The following EBF1 variants were observed in gnomAD, a reference collection of about 807,000 sequenced individuals.
EBF1 encodes the protein EBF transcription factor 1.
A neutral mutation model predicts 68.4 loss-of-function variants in EBF1; 10 were observed. The observed-to-expected ratio is 0.15, with a 90% CI of 0.09 to 0.25. The LOEUF (loss-of-function observed/expected upper bound fraction) is 0.25. Ranked by LOEUF, EBF1 falls within the 10% of genes least tolerant of loss-of-function variation. The pLI, the probability that EBF1 is intolerant of heterozygous loss-of-function variation, is 1.00. For missense variants in EBF1, 509 were observed against 794.4 expected (o/e 0.64, Z 4.32); for synonymous variants, 298 against 299.8 (o/e 0.99, Z 0.06).
intron 6 of EBF1, among the ~76,000 whole-genome samples, chr5:158,936,183 G>C (rs1356305143): frequency 6.6e-6 from 1 of 152,102 alleles, no homozygotes; most frequent in African/African-American, 2.4e-5. Flanking sequence ...AGGTGACATG[G>C]GATAACACAT....
At chr5:158,766,915 T>C (rs1402954141) in intron 10 of EBF1, among the ~76,000 whole-genome samples, 1 of 152,184 alleles carries the variant, frequency 6.6e-6, no homozygotes, top group Non-Finnish European at 1.5e-5. Flanking sequence ...TTATTGGCTT[T>C]GAAAAGCAAA....
chr5:158,929,558 A>G (rs1425680089), intron 6 of EBF1, among the ~76,000 whole-genome samples: 26 of 152,184 alleles, frequency 1.7e-4, no homozygotes, highest in Admixed American at 1.5e-3. Context: ...ACAGCACAAG[A>G]CCCTTCATAA....
intron 6 of EBF1, among the ~76,000 whole-genome samples, chr5:158,845,917 A>T (rs928419588): frequency 6.6e-6 from 1 of 152,186 alleles, no homozygotes; most frequent in Non-Finnish European, 1.5e-5. Flanking sequence ...CATTGCAATC[A>T]ATCTGGGCTG....
At chr5:159,087,244 G>T (rs977374696) in intron 4 of EBF1, among the ~76,000 whole-genome samples, 6 of 147,778 alleles carry the variant, frequency 4.1e-5, no homozygotes, top group Non-Finnish European at 7.4e-5. Flanking sequence ...TACTGATGGG[G>T]CTTTCCCTAA....
At chr5:158,842,238 G>A (rs1790475310) in intron 6 of EBF1, among the ~76,000 whole-genome samples, 1 of 152,240 alleles carries the variant, frequency 6.6e-6, no homozygotes, top group South Asian at 2.1e-4. Context: ...CAGAAGGCAA[G>A]TGCTGGGTAG....
chr5:158,930,660 A>T lies in EBF1; in HGVS notation c.555-90550T>A, dbSNP rs138581697. ...TTAGGAATTTATTTATCACACTGTGAATTTCCACACTGCCTTCTTCATAAG... is the reference window on the plus strand; with the variant it reads ...TTAGGAATTTATTTATCACACTGTGTATTTCCACACTGCCTTCTTCATAAG... On this transcript the variant is annotated intron_variant, in intron 6 of 15. Coordinates refer to ENST00000313708, the MANE Select transcript of EBF1 (RefSeq NM_024007.5). Among the ~76,000 whole-genome samples, 558 of 152,326 alleles carry T rather than the reference A, an allele frequency of 3.7e-3. 4 individuals carry two copies. The highest frequency in any genetic ancestry group is 0.013 in the African/African-American group (520 of 41,582).
At chr5:158,711,977 G>A (rs1471578270) in intron 14 of EBF1, among the ~76,000 whole-genome samples, 177 bp downstream of exon 14, 2 of 152,226 alleles carry the variant, frequency 1.3e-5, no homozygotes, top group Admixed American at 1.3e-4. Flanking sequence ...GCACTGGAGA[G>A]CGGAGATTCC....
chr5:158,926,073 A>G (rs917713736), intron 6 of EBF1, among the ~76,000 whole-genome samples: 2 of 152,214 alleles, frequency 1.3e-5, no homozygotes, highest in African/African-American at 4.8e-5. Context: ...CCTGCTTAAT[A>G]CATTTTATTT....
intron 6 of EBF1, among the ~76,000 whole-genome samples, chr5:158,880,427 G>C (rs1332788472): frequency 2.0e-5 from 3 of 152,224 alleles, no homozygotes; most frequent in African/African-American, 7.2e-5. Context: ...TCTCAATCTG[G>C]CCATAAAGAT....
intron 6 of EBF1, among the ~76,000 whole-genome samples, chr5:158,863,650 AT>A (rs1233372962): frequency 6.6e-6 from 1 of 152,250 alleles, no homozygotes; most frequent in Non-Finnish European, 1.5e-5. Flanking sequence ...ATAAAAAAAA[AT>A]ATGCTGGAAT....
chr5:158,699,706 A>C (rs1756328219), intron 15 of EBF1, among the ~76,000 whole-genome samples: 1 of 152,242 alleles, frequency 6.6e-6, no homozygotes, highest in Non-Finnish European at 1.5e-5. Flanking sequence ...CACTGGGAAC[A>C]TAAAGTTGGG....
At chr5:158,950,190 A>C (rs1815668950) in intron 6 of EBF1, among the ~76,000 whole-genome samples, 1 of 151,992 alleles carries the variant, frequency 6.6e-6, no homozygotes, top group Non-Finnish European at 1.5e-5. Context: ...TTCTCTTGGC[A>C]CTCCTGCCTA....
At chr5:158,779,632 C>G (rs1457755141) in intron 9 of EBF1, among the ~76,000 whole-genome samples, 1 of 152,128 alleles carries the variant, frequency 6.6e-6, no homozygotes, top group Non-Finnish European at 1.5e-5. Flanking sequence ...CTGATAAGAA[C>G]TTTCAGCCAG....
intron 6 of EBF1, among the ~76,000 whole-genome samples, chr5:158,977,686 A>G (rs1487840243): frequency 1.3e-5 from 2 of 152,192 alleles, no homozygotes; most frequent in Non-Finnish European, 2.9e-5. Flanking sequence ...CCACAGCAAG[A>G]TATGAAAGGG....
chr5:158,716,921 C>A (rs1760856773), intron 11 of EBF1, among the ~76,000 whole-genome samples: 2 of 152,132 alleles, frequency 1.3e-5, no homozygotes, highest in African/African-American at 4.8e-5. Context: ...GGTTTGGCAC[C>A]ATAGTGTTAA....
intron 6 of EBF1, among the ~76,000 whole-genome samples, chr5:158,994,792 T>A (rs891099726): frequency 6.6e-6 from 1 of 152,244 alleles, no homozygotes; most frequent in African/African-American, 2.4e-5. Context: ...CTCAAACTAA[T>A]ATGGCAGAAA....
At chr5:158,856,111 C>T (rs185293379) in intron 6 of EBF1, among the ~76,000 whole-genome samples, 2 of 152,328 alleles carry the variant, frequency 1.3e-5, no homozygotes, top group East Asian at 3.9e-4. Context: ...CTTAATTCTT[C>T]TCTGAGTTTT....
chr5:159,099,421 G>C lies in EBF1; in HGVS notation c.58C>G (p.Leu20Val). ...RSGSSMKEEP[L>V]GSGMNAVRTW... ...CGCACCGCGTTCATGCCGCTGCCCA[G>C]CGGCTCTTCCTTCATGCTGCTTCCA... is the stretch of plus-strand genomic sequence containing the variant. The change falls in exon 1 of 16, where the codon CTG becomes GTG. Residue 20 changes from leucine to valine, a missense_variant. Around this residue, in one of 3 missense-constraint regions of EBF1, gnomAD observed 74 missense variants for 79.4 expected, o/e 0.93. Transcript: ENST00000313708. 6.2e-7 allele frequency: 1 copy of C among 1,601,942 alleles called. No homozygotes were observed. The highest frequency in any genetic ancestry group is 1.1e-5 in the South Asian group (1 of 90,362).
intron 6 of EBF1, among the ~76,000 whole-genome samples, chr5:158,944,333 C>T (rs1267611736): frequency 6.6e-6 from 1 of 151,838 alleles, no homozygotes; most frequent in Non-Finnish European, 1.5e-5. Context: ...CTTTTTTGTT[C>T]CTGTGTTAGT....
Sources: gnomAD v4.1 joint callset for allele counts (sites outside exome capture counted in the v4.1 genomes callset) on GRCh38, gnomAD v4.1.1 for gene constraint, gnomAD v4.1.1 regional missense constraint, MANE v1.5 for transcripts, NCBI Gene and HGNC (gene_info 2026-07-23, HGNC 2026-07-21) for gene names.